UTF1: variants seen among roughly 807,000 people sequenced by gnomAD.
UTF1 encodes the protein undifferentiated embryonic cell transcription factor 1.
UTF1 carries 8 observed loss-of-function variants against 11.8 expected under a neutral mutation model. That is an observed-to-expected ratio of 0.68 (90% CI 0.40 to 1.23). The LOEUF is 1.23. Among genes scored for constraint, UTF1 ranks in the 50% most tolerant of loss-of-function variants. The pLI, the probability that UTF1 is intolerant of heterozygous loss-of-function variation, is 0.01. For synonymous variants in UTF1, 344 were observed against 271.7 expected (o/e 1.27, Z -2.62); for missense variants, 545 against 542.1 (o/e 1.01, Z -0.05).
At position 133,230,452 on chromosome 10, in the gene UTF1, C is replaced by G; in HGVS notation, c.164C>G (p.Pro55Arg). 2.1e-6 allele frequency: 3 copies of G among 1,404,614 alleles called. No individual in the cohort carries two copies. The highest frequency in any genetic ancestry group is 2.8e-6 in the Non-Finnish European group (3 of 1,078,268). The allele number at this position is 1,404,614 out of a possible 1,614,324, so 87.0% of individuals were successfully genotyped here. ...ALGELGLPVSPGSAQRTPWSA... is the reference protein window; with the variant it reads ...ALGELGLPVSRGSAQRTPWSA... ...GGGGAACTCGGGTTGCCGGTGTCCC[C>G]GGGCTCGGCGCAGCGCACGCCCTGG... The change falls in exon 1 of 2, where the codon CCG becomes CGG. Residue 55 changes from proline (P) to arginine (R), a missense_variant. Transcript: ENST00000304477.
In UTF1 at chr10:133,230,766, C is replaced by T; in HGVS notation, c.478C>T (p.Pro160Ser). The change falls in exon 1 of 2, where the codon CCG becomes TCG. Residue 160 changes from proline (P) to serine (S), a missense_variant. Physicochemically the swap from Pro to Ser is moderately conservative, Grantham distance 74. Around this residue, in one of 3 missense-constraint regions of UTF1, gnomAD observed 394 missense variants for 341.5 expected, o/e 1.15. Coordinates refer to ENST00000304477, the MANE Select transcript of UTF1 (RefSeq NM_003577.3). Reference protein sequence around the residue: ...NGRKRPRRRSPGSGRPQRARR... With the variant: ...NGRKRPRRRSSGSGRPQRARR... ...GCGCAAACGGCCTCGCCGCCGCTCC[C>T]CGGGGTCCGGGCGCCCCCAGCGCGC... is the stretch of plus-strand genomic sequence containing the variant. 1 of 1,371,874 alleles carries T rather than the reference C, an allele frequency of 7.3e-7. No individual in the cohort carries two copies. Among genetic ancestry groups the T allele is most frequent in the Non-Finnish European group, 9.4e-7 (1 of 1,066,962 alleles). The allele number at this position is 1,371,874 out of a possible 1,614,324, so 85.0% of individuals were successfully genotyped here. A position where few individuals can be genotyped will look rare whatever the true frequency, so the allele number is the denominator to read the frequency against.
rs371187098 is a variant in UTF1 at position 133,230,759 on chromosome 10, C to G, written c.471C>G (p.Arg157=). The stretch of plus-strand genomic sequence containing the variant: ...ACAACGGGCGCAAACGGCCTCGCCG[C>G]CGCTCCCCGGGGTCCGGGCGCCCCC... ...LGDNGRKRPR[R]RSPGSGRPQR... is the part of the protein sequence containing the mutation. The change falls in exon 1 of 2, where the codon CGC becomes CGG. Residue 157 remains arginine, a synonymous_variant. Coordinates refer to ENST00000304477, the MANE Select transcript of UTF1 (RefSeq NM_003577.3). 701 of 1,394,410 alleles carry G rather than the reference C, an allele frequency of 5.0e-4. 4 individuals are homozygous for G. The East Asian group carries it at 0.014, about 28-fold the overall frequency. The allele number at this position is 1,394,410 out of a possible 1,614,324, so 86.4% of individuals were successfully genotyped here. A position where few individuals can be genotyped will look rare whatever the true frequency, so the allele number is the denominator to read the frequency against.
At position 133,231,084 on chromosome 10, in the gene UTF1, C is replaced by A; in HGVS notation, c.668C>A (p.Ala223Asp). Reference protein sequence around the residue: ...DASPAPGSPPAPAPTALATCI... With the variant: ...DASPAPGSPPDPAPTALATCI... ...TCCCCCGCCCCCGGCTCCCCGCCAG[C>A]TCCCGCCCCGACCGCCCTCGCCACC... is the stretch of plus-strand genomic sequence containing the variant. The change falls in exon 2 of 2, where the codon GCT (alanine) becomes GAT (aspartate). Residue 223 changes from alanine (A) to aspartate (D), a missense_variant. Transcript: ENST00000304477. 1 of 1,279,552 alleles carries A rather than the reference C, an allele frequency of 7.8e-7. No individual in the cohort carries two copies. 79.3% of individuals were successfully genotyped at this position (1,279,552 alleles called of 1,614,324 possible).
rs1318890391 is a variant in UTF1, at chr10:133,231,508, C to T, written c.*66C>T. The stretch of plus-strand genomic sequence containing the variant: ...CCTCCGCCCTGACCCCTCCTGCTGC[C>T]TTCCCACCCCCGTTCTTGGGTATGT... On this transcript the variant is annotated 3_prime_UTR_variant, in exon 2 of 2. Coordinates refer to ENST00000304477, the MANE Select transcript of UTF1 (RefSeq NM_003577.3). The T allele has an allele frequency of 8.9e-6, 11 of 1,241,024 alleles. No individual in the cohort carries two copies. The highest frequency in any genetic ancestry group is 6.7e-5 in the Admixed American group (2 of 29,790). The allele number at this position is 1,241,024 out of a possible 1,614,324, so 76.9% of individuals were successfully genotyped here. A position where few individuals can be genotyped will look rare whatever the true frequency, so the allele number is the denominator to read the frequency against.
Position 133,231,157 on chromosome 10 carries a change from G to T in UTF1, c.741G>T (p.Pro247=). Reference sequence around the variant, plus strand: ...CCGTCCGCGGCCCCGGGTCCCCGCCGCCACCCCCGGCCCGCGAAGACCCCG... The same window carrying T: ...CCGTCCGCGGCCCCGGGTCCCCGCCTCCACCCCCGGCCCGCGAAGACCCCG... The part of the protein sequence containing the change: ...RAPVRGPGSP[P]PPPAREDPDS... Residue 247 remains proline (P), a synonymous_variant, in exon 2 of 2, where the codon CCG becomes CCT. Coordinates refer to ENST00000304477, the MANE Select transcript of UTF1 (RefSeq NM_003577.3). 8.2e-7 allele frequency: 1 copy of T among 1,218,224 alleles called. No homozygotes were observed. Among genetic ancestry groups the T allele is most frequent in the Non-Finnish European group, 1.0e-6 (1 of 986,042 alleles). The allele number at this position is 1,218,224 out of a possible 1,614,324, so 75.5% of individuals were successfully genotyped here. A position where few individuals can be genotyped will look rare whatever the true frequency, so the allele number is the denominator to read the frequency against.
At chr10:133,230,879 C>G in intron 1 of UTF1, 41 bp downstream of exon 1, 1 of 1,280,692 alleles carries the variant, frequency 7.8e-7, no homozygotes, top group Non-Finnish European at 9.8e-7. Flanking sequence ...CCGAGGACTG[C>G]GGAGGAACCG....
At position 133,230,835 on chromosome 10, in the gene UTF1, C is replaced by T. The variant is rs1457117468; in HGVS notation, c.547C>T (p.Pro183Ser). Residue 183 changes from proline (P) to serine (S), a missense_variant, in exon 1 of 2, where the codon CCA (proline) becomes TCA (serine). Pro to Ser is a moderately conservative substitution (Grantham distance 74, BLOSUM62 -1). Around this residue, in one of 3 missense-constraint regions of UTF1, gnomAD observed 394 missense variants for 341.5 expected, o/e 1.15. Coordinates refer to ENST00000304477, the MANE Select transcript of UTF1 (RefSeq NM_003577.3). Reference sequence around the variant, plus strand: ...CGCGCACGCGCCGGCTCCCAGCGAACCAGGTAGGCGGGGGACTGGGGGGCC... The same window carrying T: ...CGCGCACGCGCCGGCTCCCAGCGAATCAGGTAGGCGGGGGACTGGGGGGCC... ...PNAHAPAPSE[P>S]DATPLPTARD... 2.3e-6 allele frequency: 3 copies of T among 1,302,364 alleles called. No homozygotes were observed. The highest frequency in any genetic ancestry group is 3.1e-5 in the African/African-American group (2 of 64,280). 80.7% of individuals were successfully genotyped at this position (1,302,364 alleles called of 1,614,324 possible). A position where few individuals can be genotyped will look rare whatever the true frequency, so the allele number is the denominator to read the frequency against.
chr10:133,231,154 G>T lies in UTF1; in HGVS notation c.738G>T (p.Pro246=). 8.4e-7 allele frequency: 1 copy of T among 1,194,378 alleles called. No individual in the cohort carries two copies. Among genetic ancestry groups the T allele is most frequent in the Non-Finnish European group, 1.0e-6 (1 of 972,268 alleles). 74.0% of individuals were successfully genotyped at this position (1,194,378 alleles called of 1,614,324 possible). The change falls in exon 2 of 2, where the codon CCG becomes CCT. Residue 246 remains proline, a synonymous_variant. Transcript: ENST00000304477. ...CGCCCGTCCGCGGCCCCGGGTCCCCGCCGCCACCCCCGGCCCGCGAAGACC... is the reference window on the plus strand; with the variant it reads ...CGCCCGTCCGCGGCCCCGGGTCCCCTCCGCCACCCCCGGCCCGCGAAGACC... ...DRAPVRGPGS[P]PPPPAREDPD... is the part of the protein sequence containing the mutation.
chr10:133,231,275 G>A lies in UTF1; in HGVS notation c.859G>A (p.Gly287Ser). The A allele has an allele frequency of 6.3e-7, 1 of 1,589,298 alleles. No homozygotes were observed. The highest frequency in any genetic ancestry group is 8.5e-7 in the Non-Finnish European group (1 of 1,171,916). ...CCTGCTGCAGACCCTGGGGCACCTG[G>A]GCGACATCGCGAACATCCTGGGCCC... ...TALLQTLGHLGDIANILGPLR... is the reference protein window; with the variant it reads ...TALLQTLGHLSDIANILGPLR... Residue 287 changes from glycine (G) to serine (S), a missense_variant, in exon 2 of 2, where the codon GGC (glycine) becomes AGC (serine). This residue lies in a region of UTF1 where 394 missense variants were observed against 341.5 expected (regional missense o/e 1.15). Transcript: ENST00000304477.
Position 133,231,532 on chromosome 10 carries a change from G to T in UTF1, c.*90G>T, listed in dbSNP as rs1458353241. On this transcript the variant is annotated 3_prime_UTR_variant, in exon 2 of 2. Coordinates refer to ENST00000304477, the MANE Select transcript of UTF1 (RefSeq NM_003577.3). ...CCTTCCCACCCCCGTTCTTGGGTAT[G>T]TTCAATAAAAGGATTGTTTTCCTAG... is the stretch of plus-strand genomic sequence containing the variant. 1.4e-5 allele frequency: 15 copies of T among 1,053,554 alleles called. No homozygotes were observed. Among genetic ancestry groups the T allele is most frequent in the Middle Eastern group, 6.2e-4 (2 of 3,222 alleles). The allele number at this position is 1,053,554 out of a possible 1,614,324, so 65.3% of individuals were successfully genotyped here. A position where few individuals can be genotyped will look rare whatever the true frequency, so the allele number is the denominator to read the frequency against.
rs759388037 is a variant in UTF1, at chr10:133,231,374, C to G, written c.958C>G (p.Leu320Val). Residue 320 changes from leucine (L) to valine (V), a missense_variant, in exon 2 of 2, where the codon CTG becomes GTG. Coordinates refer to ENST00000304477, the MANE Select transcript of UTF1 (RefSeq NM_003577.3). ...CGGCGCCTTCGACCAGACAGTGTCC[C>G]TGGCCGTGGGCTTCATTCTGGGCAG... ...LRGAFDQTVSLAVGFILGSAA... is the reference protein window; with the variant it reads ...LRGAFDQTVSVAVGFILGSAA... 6.3e-7 allele frequency: 1 copy of G among 1,593,498 alleles called. No homozygotes were observed. The highest frequency in any genetic ancestry group is 8.5e-7 in the Non-Finnish European group (1 of 1,174,590).
In UTF1 at chr10:133,230,627, G is replaced by A. The variant is rs1431954775; in HGVS notation, c.339G>A (p.Gln113=). The change falls in exon 1 of 2, where the codon CAG becomes CAA. Residue 113 remains glutamine, a synonymous_variant. Coordinates refer to ENST00000304477, the MANE Select transcript of UTF1 (RefSeq NM_003577.3). The part of the protein sequence containing the change: ...AQQQVRRTPA[Q]CRRRYKFLKD... ...AGCAGGTGCGCCGCACCCCCGCGCA[G>A]TGCCGCCGCCGCTACAAGTTCCTTA... The A allele has an allele frequency of 3.4e-6, 5 of 1,456,160 alleles. No individual in the cohort carries two copies. Among genetic ancestry groups the A allele is most frequent in the Non-Finnish European group, 4.5e-6 (5 of 1,110,674 alleles). 90.2% of individuals were successfully genotyped at this position (1,456,160 alleles called of 1,614,324 possible). A position where few individuals can be genotyped will look rare whatever the true frequency, so the allele number is the denominator to read the frequency against.
chr10:133,231,361 C>T lies in UTF1; in HGVS notation c.945C>T (p.Asp315=), dbSNP rs1440719284. ...QHVEQLRGAF[D]QTVSLAVGFI... Reference sequence around the variant, plus strand: ...TGGAGCAGCTGCGCGGCGCCTTCGACCAGACAGTGTCCCTGGCCGTGGGCT... The same window carrying T: ...TGGAGCAGCTGCGCGGCGCCTTCGATCAGACAGTGTCCCTGGCCGTGGGCT... Residue 315 remains aspartate, a synonymous_variant, in exon 2 of 2, where the codon GAC becomes GAT. Coordinates refer to ENST00000304477, the MANE Select transcript of UTF1 (RefSeq NM_003577.3). The T allele has an allele frequency of 3.1e-6, 5 of 1,596,772 alleles. No individual in the cohort carries two copies. Among genetic ancestry groups the T allele is most frequent in the Admixed American group, 3.4e-5 (2 of 59,188 alleles).
Position 133,231,206 on chromosome 10 carries a change from G to A in UTF1, c.790G>A (p.Asp264Asn). 6.7e-7 allele frequency: 1 copy of A among 1,502,634 alleles called. No homozygotes were observed. The highest frequency in any genetic ancestry group is 1.4e-5 in the African/African-American group (1 of 69,446). 93.1% of individuals were successfully genotyped at this position (1,502,634 alleles called of 1,614,324 possible). The part of the protein sequence containing the change: ...DPDSPPGRPE[D>N]CAPPPAAPPS... ...CGACTCGCCGCCCGGCCGCCCCGAG[G>A]ACTGCGCGCCCCCTCCGGCCGCGCC... The change falls in exon 2 of 2, where the codon GAC becomes AAC. Residue 264 changes from aspartate to asparagine, a missense_variant. This residue lies in a region of UTF1 where 394 missense variants were observed against 341.5 expected (regional missense o/e 1.15). Coordinates refer to ENST00000304477, the MANE Select transcript of UTF1 (RefSeq NM_003577.3).
In UTF1 at chr10:133,231,314, C is replaced by T. The variant is rs149543942; in HGVS notation, c.898C>T (p.Leu300=). The T allele has an allele frequency of 3.9e-5, 63 of 1,598,374 alleles. No individual in the cohort carries two copies. The African/African-American group carries it at 7.3e-4, about 19-fold the overall frequency. ...CATCCTGGGCCCGCTGCGCGACCAG[C>T]TGCTGACCTTGAACCAGCACGTGGA... is the stretch of plus-strand genomic sequence containing the variant. ...ANILGPLRDQ[L]LTLNQHVEQL... Residue 300 remains leucine, a synonymous_variant, in exon 2 of 2, where the codon CTG becomes TTG. Coordinates refer to ENST00000304477, the MANE Select transcript of UTF1 (RefSeq NM_003577.3).
chr10:133,231,208 C>A lies in UTF1; in HGVS notation c.792C>A (p.Asp264Glu), dbSNP rs1478023281. 1 of 1,512,896 alleles carries A rather than the reference C, an allele frequency of 6.6e-7. No homozygotes were observed. The highest frequency in any genetic ancestry group is 8.8e-7 in the Non-Finnish European group (1 of 1,137,510). 93.7% of individuals were successfully genotyped at this position (1,512,896 alleles called of 1,614,324 possible). A position where few individuals can be genotyped will look rare whatever the true frequency, so the allele number is the denominator to read the frequency against. Residue 264 changes from aspartate to glutamate, a missense_variant, in exon 2 of 2, where the codon GAC becomes GAA. By Grantham distance (45) the Asp-to-Glu change is conservative. Coordinates refer to ENST00000304477, the MANE Select transcript of UTF1 (RefSeq NM_003577.3). ...DPDSPPGRPE[D>E]CAPPPAAPPS... is the part of the protein sequence containing the mutation. ...ACTCGCCGCCCGGCCGCCCCGAGGACTGCGCGCCCCCTCCGGCCGCGCCCC... is the reference window on the plus strand; with the variant it reads ...ACTCGCCGCCCGGCCGCCCCGAGGAATGCGCGCCCCCTCCGGCCGCGCCCC...
At position 133,231,161 on chromosome 10, in the gene UTF1, C is replaced by T. The variant is rs1382626427; in HGVS notation, c.745C>T (p.Pro249Ser). The T allele has an allele frequency of 7.8e-7, 1 of 1,283,060 alleles. No homozygotes were observed. The highest frequency in any genetic ancestry group is 9.8e-7 in the Non-Finnish European group (1 of 1,020,236). The allele number at this position is 1,283,060 out of a possible 1,614,324, so 79.5% of individuals were successfully genotyped here. A position where few individuals can be genotyped will look rare whatever the true frequency, so the allele number is the denominator to read the frequency against. The change falls in exon 2 of 2, where the codon CCC becomes TCC. Residue 249 changes from proline (P) to serine (S), a missense_variant. Coordinates refer to ENST00000304477, the MANE Select transcript of UTF1 (RefSeq NM_003577.3). ...PVRGPGSPPP[P>S]PAREDPDSPP... ...CCGCGGCCCCGGGTCCCCGCCGCCA[C>T]CCCCGGCCCGCGAAGACCCCGACTC...
In UTF1 at chr10:133,231,251, C is replaced by G. The variant is rs762314676; in HGVS notation, c.835C>G (p.Leu279Val). The G allele has an allele frequency of 1.9e-6, 3 of 1,569,024 alleles. No individual in the cohort carries two copies. Among genetic ancestry groups the G allele is most frequent in the African/African-American group, 2.7e-5 (2 of 73,932 alleles). Residue 279 changes from leucine (L) to valine (V), a missense_variant, in exon 2 of 2, where the codon CTG (leucine) becomes GTG (valine). Around this residue, in one of 3 missense-constraint regions of UTF1, gnomAD observed 394 missense variants for 341.5 expected, o/e 1.15. Transcript: ENST00000304477. ...CGCGCCCCCGTCGCTGAACACCGCCCTGCTGCAGACCCTGGGGCACCTGGG... is the reference window on the plus strand; with the variant it reads ...CGCGCCCCCGTCGCTGAACACCGCCGTGCTGCAGACCCTGGGGCACCTGGG... ...PAAPPSLNTA[L>V]LQTLGHLGDI...
At position 133,231,165 on chromosome 10, in the gene UTF1, C is replaced by G; in HGVS notation, c.749C>G (p.Pro250Arg). Residue 250 changes from proline to arginine, a missense_variant, in exon 2 of 2, where the codon CCG (proline) becomes CGG (arginine). By Grantham distance (103) the Pro-to-Arg change is moderately radical. Around this residue, in one of 3 missense-constraint regions of UTF1, gnomAD observed 394 missense variants for 341.5 expected, o/e 1.15. Transcript: ENST00000304477. ...VRGPGSPPPP[P>R]AREDPDSPPG... ...GGCCCCGGGTCCCCGCCGCCACCCC[C>G]GGCCCGCGAAGACCCCGACTCGCCG... 1 of 1,289,518 alleles carries G rather than the reference C, an allele frequency of 7.8e-7. No individual in the cohort carries two copies. 79.9% of individuals were successfully genotyped at this position (1,289,518 alleles called of 1,614,324 possible).
Sources: allele counts gnomAD v4.1 joint callset, GRCh38; gene constraint gnomAD v4.1.1; regional missense constraint gnomAD v4.1.1; transcripts MANE v1.5; gene names NCBI Gene and HGNC (gene_info 2026-07-23, HGNC 2026-07-21).